Variants in PDE10A observed in about 807,000 individuals in gnomAD.
PDE10A encodes phosphodiesterase 10A.
Under a neutral mutation model 97.7 loss-of-function variants are expected in PDE10A, and 39 were observed. The observed-to-expected ratio is 0.40, with a 90% confidence interval of 0.31 to 0.52. The LOEUF is 0.52. Ranked by LOEUF, PDE10A falls within the 20% of genes least tolerant of loss-of-function variation. The pLI, the probability that PDE10A is intolerant of heterozygous loss-of-function variation, is 0.56. For synonymous variants in PDE10A, 371 were observed against 376.8 expected (o/e 0.98, Z 0.18); for missense variants, 731 against 1,047.8 (o/e 0.70, Z 4.17).
chr6:165,726,615 C>A (rs1016646269), intron 1 of PDE10A, among the ~76,000 whole-genome samples: 4 of 152,188 alleles, frequency 2.6e-5, no homozygotes, highest in African/African-American at 4.8e-5. Flanking sequence ...CACCGCCTTC[C>A]GACGGGCCTG....
In PDE10A at chr6:165,477,669, G is replaced by C. The variant is rs140889664; in HGVS notation, c.1023+4646C>G. Among the ~76,000 whole-genome samples the C allele has an allele frequency of 8.5e-3, 1,286 of 152,188 alleles. 9 individuals are homozygous for C. Among genetic ancestry groups the C allele is most frequent in the Non-Finnish European group, 0.013 (869 of 68,028 alleles). ...TCCTAGATGATAATTATTGTAAAGG[G>C]GGCACAGGAAAGCAGCTTGGAAAAA... On this transcript the variant is annotated intron_variant, in intron 3 of 21. Transcript: ENST00000539869.
At position 165,542,731 on chromosome 6, in the gene PDE10A, G is replaced by A. The variant is rs1415572147; in HGVS notation, c.994+709C>T. 4.8e-5 allele frequency among the ~76,000 whole-genome samples: 7 copies of A among 146,106 alleles called. No individual in the cohort carries two copies. In the East Asian group the frequency reaches 6.2e-4, roughly 13 times the overall value. Reference sequence around the variant, plus strand: ...CCTCCCGGGTTCACGCCATTCTCCTGCCTCAGCCTCCTGAGTAGCTGGGAC... The same window carrying A: ...CCTCCCGGGTTCACGCCATTCTCCTACCTCAGCCTCCTGAGTAGCTGGGAC... On this transcript the variant is annotated intron_variant, in intron 2 of 21. Transcript: ENST00000539869.
At chr6:165,909,525 C>T (rs1414248714) in intron 1 of PDE10A, among the ~76,000 whole-genome samples, 4 of 152,184 alleles carry the variant, frequency 2.6e-5, no homozygotes, top group Non-Finnish European at 4.4e-5. Context: ...TGGCCTGATA[C>T]GTCACAGAGG....
At chr6:165,532,186 G>A (rs2128315324) in intron 2 of PDE10A, among the ~76,000 whole-genome samples, 1 of 152,090 alleles carries the variant, frequency 6.6e-6, no homozygotes, top group East Asian at 1.9e-4. Flanking sequence ...GGGGCTCTGG[G>A]AGAAAGTCAA....
chr6:165,623,178 T>C (rs1788225758), intron 1 of PDE10A, among the ~76,000 whole-genome samples: 1 of 152,188 alleles, frequency 6.6e-6, no homozygotes, highest in Admixed American at 6.5e-5. Flanking sequence ...TCACCCAGGC[T>C]GGAGTGGCAC....
At chr6:165,841,767 A>T (rs1443727659) in intron 1 of PDE10A, among the ~76,000 whole-genome samples, 1 of 152,224 alleles carries the variant, frequency 6.6e-6, no homozygotes, top group Non-Finnish European at 1.5e-5. Context: ...GAGGAAGAGG[A>T]CAGCTCTGGA....
intron 1 of PDE10A, among the ~76,000 whole-genome samples, chr6:165,761,812 T>C (rs1355957228): frequency 1.3e-5 from 2 of 152,124 alleles, no homozygotes; most frequent in Non-Finnish European, 2.9e-5. Flanking sequence ...ATATTAATAT[T>C]TAGAAAATAC....
At chr6:165,568,406 A>C (rs1306940566) in intron 1 of PDE10A, among the ~76,000 whole-genome samples, 1 of 152,188 alleles carries the variant, frequency 6.6e-6, no homozygotes, top group Non-Finnish European at 1.5e-5. Flanking sequence ...AAAATATTAA[A>C]TGGAAAATTC....
At chr6:165,930,032 CCAGAAA>C (rs1370566365) in intron 1 of PDE10A, among the ~76,000 whole-genome samples, 2 of 148,176 alleles carry the variant, frequency 1.3e-5, no homozygotes, top group African/African-American at 5.1e-5. Context: ...ACATATCACT[CCAGAAA>C]TGAGGGTGGC....
chr6:165,577,235 G>C (rs886215250), intron 1 of PDE10A, among the ~76,000 whole-genome samples: 2 of 152,190 alleles, frequency 1.3e-5, no homozygotes, highest in Non-Finnish European at 2.9e-5. Flanking sequence ...CCCCATGCCA[G>C]CGTACAGCCT....
At chr6:165,957,086 G>C (rs905717578) in intron 1 of PDE10A, among the ~76,000 whole-genome samples, 2 of 152,208 alleles carry the variant, frequency 1.3e-5, no homozygotes, top group South Asian at 2.1e-4. Flanking sequence ...CAGGAGACCT[G>C]TGCTACTCAA....
intron 1 of PDE10A, among the ~76,000 whole-genome samples, chr6:165,707,112 TG>T (rs1471496283): frequency 6.6e-6 from 1 of 152,226 alleles, no homozygotes; most frequent in Non-Finnish European, 1.5e-5. Context: ...TGGAAATTCC[TG>T]GGGAAAGCCC....
chr6:165,856,229 A>C (rs1335655662), intron 1 of PDE10A, among the ~76,000 whole-genome samples: 1 of 152,182 alleles, frequency 6.6e-6, no homozygotes, highest in African/African-American at 2.4e-5. Context: ...CCTTGTTTTC[A>C]AGCTCCCAGG....
At chr6:165,957,851 C>T (rs927009241) in intron 1 of PDE10A, among the ~76,000 whole-genome samples, 2 of 152,142 alleles carry the variant, frequency 1.3e-5, no homozygotes, top group Non-Finnish European at 2.9e-5. Context: ...CAATTTGAAA[C>T]AATTGTGTTT....
At chr6:165,619,386 A>AGC (rs1787943711) in intron 1 of PDE10A, among the ~76,000 whole-genome samples, 5 of 121,858 alleles carry the variant, frequency 4.1e-5, no homozygotes, top group Admixed American at 1.7e-4. Flanking sequence ...AGTGTAGTCT[A>AGC]GTATAGTGTA....
At chr6:165,437,436 A>C (rs189652411) in intron 5 of PDE10A, among the ~76,000 whole-genome samples, 1 of 152,324 alleles carries the variant, frequency 6.6e-6, no homozygotes, top group East Asian at 1.9e-4. Context: ...ATAAGCAAAT[A>C]CTGTACCCAA....
chr6:165,517,770 C>T (rs889589204), intron 2 of PDE10A, among the ~76,000 whole-genome samples: 1 of 152,180 alleles, frequency 6.6e-6, no homozygotes, highest in African/African-American at 2.4e-5. Context: ...TGCCATTCTT[C>T]ATGCTGAGGT....
rs145137771 is a variant in PDE10A, at chr6:165,681,394, ATGTG to A, written c.-614-137830_-614-137827del. On this transcript the variant is annotated intron_variant, in intron 1 of 19. Transcript: ENST00000366882. ...TAACCTCAATAATTGTCTTGGGAAA[ATGTG>A]TGTGTGTGTGTGTGTGTGTGTGTGT... 1.6e-3 allele frequency among the ~76,000 whole-genome samples: 239 copies of A among 150,496 alleles called. 1 individual carries two copies. The highest frequency in any genetic ancestry group is 3.3e-3 in the Admixed American group (49 of 15,074).
At chr6:165,974,161 T>C (rs986285530) in intron 1 of PDE10A, among the ~76,000 whole-genome samples, 24 of 152,222 alleles carry the variant, frequency 1.6e-4, no homozygotes, top group African/African-American at 5.5e-4. Flanking sequence ...TCTTTACATC[T>C]TTCCTCCTCT....
Sources: gnomAD v4.1 joint callset for allele counts (sites outside exome capture counted in the v4.1 genomes callset) on GRCh38, gnomAD v4.1.1 for gene constraint, MANE v1.5 for transcripts, NCBI Gene and HGNC (gene_info 2026-07-23, HGNC 2026-07-21) for gene names.